The following RHD variants were observed in gnomAD, a reference collection of about 807,000 sequenced individuals.
RHD encodes blood group Rh(D) polypeptide.
In RHD, 16 loss-of-function variants were observed where a neutral mutation model predicts 45.5. The ratio of observed to expected loss-of-function variants is 0.35; its 90% CI spans 0.24 to 0.53. The LOEUF (loss-of-function observed/expected upper bound fraction) is 0.53, where lower values mean the gene tolerates loss of function less well. RHD is among the 20% of genes least tolerant of loss of function. The pLI, the probability that RHD is intolerant of heterozygous loss-of-function variation, is 0.92. For synonymous variants in RHD, 131 were observed against 217.5 expected (o/e 0.60, Z 3.50); for missense variants, 306 against 532.0 (o/e 0.58, Z 4.18).
chr1:25,303,593 A>C lies in RHD; in HGVS notation c.939+134A>C, dbSNP rs1339816401. ...CATTCTCTTATTGGCTTCAACGCCT[A>C]GTGAGGGATCCATCCTGGCTCGGTG... is the stretch of plus-strand genomic sequence containing the variant. On this transcript the variant is annotated intron_variant, in intron 6 of 9. Coordinates refer to ENST00000328664, the MANE Select transcript of RHD (RefSeq NM_016124.6). 3 of 958,838 alleles carry C rather than the reference A, an allele frequency of 3.1e-6. 1 individual carries two copies. Among genetic ancestry groups the C allele is most frequent in the Non-Finnish European group, 4.8e-6 (3 of 623,326 alleles). The allele number at this position is 958,838 out of a possible 1,614,324, so 59.4% of individuals were successfully genotyped here. A position where few individuals can be genotyped will look rare whatever the true frequency, so the allele number is the denominator to read the frequency against.
chr1:25,289,566 A>G (rs941926529), intron 2 of RHD, among the ~76,000 whole-genome samples: 2 of 128,956 alleles, frequency 1.6e-5, no homozygotes, highest in Non-Finnish European at 3.7e-5. Flanking sequence ...ATAATAAATC[A>G]TTATCATCAC....
At chr1:25,312,919 C>CAAAAAAAA (rs1571719513) in intron 7 of RHD, among the ~76,000 whole-genome samples, 1 of 3,618 alleles carries the variant, frequency 2.8e-4, no homozygotes, top group Non-Finnish European at 1.0e-3. Flanking sequence ...AATCCCATCT[C>CAAAAAAAA]TAAAAAAAAA....
intron 5 of RHD, among the ~76,000 whole-genome samples, chr1:25,302,081 G>A (rs145236797): frequency 0.027 from 3,591 of 130,646 alleles, 582 homozygotes; most frequent in African/African-American, 0.087. Context: ...AGAATCAGAA[G>A]TAGAGAAGTA....
chr1:25,297,225 C>G (rs1406976655), intron 3 of RHD, among the ~76,000 whole-genome samples: 1 of 87,526 alleles, frequency 1.1e-5, no homozygotes, highest in Non-Finnish European at 2.8e-5. Flanking sequence ...GTGGGTTTGT[C>G]TGCTGTTCCT....
rs565512603 is a variant in RHD, at chr1:25,309,985, A to T, written c.1073+3256A>T. On this transcript the variant is annotated intron_variant, in intron 7 of 9. Transcript: ENST00000328664. Reference sequence around the variant, plus strand: ...ATTCTGCCACTTATTACTTAAAAAAACCCCAAAAAACCCAACTTATATAGT... The same window carrying T: ...ATTCTGCCACTTATTACTTAAAAAATCCCCAAAAAACCCAACTTATATAGT... 2.3e-5 allele frequency among the ~76,000 whole-genome samples: 3 copies of T among 132,424 alleles called. 1 individual carries two copies. The highest frequency in any genetic ancestry group is 5.4e-5 in the Non-Finnish European group (3 of 55,576). The allele number at this position is 132,424 out of a possible 152,430, so 86.9% of individuals were successfully genotyped here. A position where few individuals can be genotyped will look rare whatever the true frequency, so the allele number is the denominator to read the frequency against.
At position 25,293,488 on chromosome 1, in the gene RHD, C is replaced by T. The variant is rs1165570533; in HGVS notation, c.486+2697C>T. Among the ~76,000 whole-genome samples the T allele has an allele frequency of 3.8e-5, 5 of 130,474 alleles. 1 individual carries two copies. The highest frequency in any genetic ancestry group is 3.8e-4 in the Admixed American group (5 of 13,284). 85.6% of individuals were successfully genotyped at this position (130,474 alleles called of 152,430 possible). A position where few individuals can be genotyped will look rare whatever the true frequency, so the allele number is the denominator to read the frequency against. On this transcript the variant is annotated intron_variant, in intron 3 of 9. Transcript: ENST00000328664. ...TATTTGTGGACAGATTGTTTTAGAA[C>T]AAGTAGAATACATTTGAGAATTAAA...
chr1:25,305,536 A>G (rs1376697347), intron 6 of RHD, among the ~76,000 whole-genome samples: 1 of 129,198 alleles, frequency 7.7e-6, no homozygotes, highest in East Asian at 2.0e-4. Flanking sequence ...AGCTGGGATT[A>G]CAGGTGCCCA....
rs1642597692 is a variant in RHD, at chr1:25,292,503, G to A, written c.486+1712G>A. On this transcript the variant is annotated intron_variant, in intron 3 of 9. Coordinates refer to ENST00000328664, the MANE Select transcript of RHD (RefSeq NM_016124.6). ...ATAGACTGCACGTGGGGTGGGAGAG[G>A]GTCAAGATGACTTCAAGGTTCTCAT... Among the ~76,000 whole-genome samples, 2 of 131,826 alleles carry A rather than the reference G, an allele frequency of 1.5e-5. 1 individual carries two copies. The highest frequency in any genetic ancestry group is 1.5e-4 in the Admixed American group (2 of 13,508). 86.5% of individuals were successfully genotyped at this position (131,826 alleles called of 152,430 possible).
chr1:25,314,204 G>T lies in RHD; in HGVS notation c.1074-2796G>T, dbSNP rs1284513528. Among the ~76,000 whole-genome samples the T allele has an allele frequency of 2.3e-5, 3 of 132,984 alleles. 1 individual carries two copies. The highest frequency in any genetic ancestry group is 3.6e-5 in the Non-Finnish European group (2 of 56,114). The allele number at this position is 132,984 out of a possible 152,430, so 87.2% of individuals were successfully genotyped here. A position where few individuals can be genotyped will look rare whatever the true frequency, so the allele number is the denominator to read the frequency against. On this transcript the variant is annotated intron_variant, in intron 7 of 9. Transcript: ENST00000328664. ...GTTTGCGCCAATCTAATCACCAGTA[G>T]TGTATAGAAGCTCCTTTTACTCCAC... is the stretch of plus-strand genomic sequence containing the variant.
Position 25,284,626 on chromosome 1 carries a change from A to T in RHD, c.202A>T (p.Ser68Cys). The part of the protein sequence containing the change: ...AAIGLGFLTS[S>C]FRRHSWSSVA... ...CATTGGCTTGGGCTTCCTCACCTCGAGTTTCCGGAGACACAGCTGGAGCAG... is the reference window on the plus strand; with the variant it reads ...CATTGGCTTGGGCTTCCTCACCTCGTGTTTCCGGAGACACAGCTGGAGCAG... The change falls in exon 2 of 10, where the codon AGT (serine) becomes TGT (cysteine). Residue 68 changes from serine to cysteine, a missense_variant. Ser to Cys is a moderately radical substitution (Grantham distance 112). Transcript: ENST00000328664. The T allele has an allele frequency of 3.6e-6, 5 of 1,388,848 alleles. 2 individuals are homozygous for T. The highest frequency in any genetic ancestry group is 4.1e-6 in the Non-Finnish European group (4 of 985,524). The allele number at this position is 1,388,848 out of a possible 1,614,324, so 86.0% of individuals were successfully genotyped here.
chr1:25,330,052 G>A lies in RHD; in HGVS notation c.*1128G>A, dbSNP rs1644967375. The A allele has an allele frequency of 7.5e-6, 1 of 132,728 alleles. No individual in the cohort carries two copies. The highest frequency in any genetic ancestry group is 2.3e-4 in the South Asian group (1 of 4,364). The allele number at this position is 132,728 out of a possible 1,614,324, so 8.2% of individuals were successfully genotyped here. On this transcript the variant is annotated 3_prime_UTR_variant, in exon 10 of 10. Transcript: ENST00000328664. The stretch of plus-strand genomic sequence containing the variant: ...ATTCAGGCTTCCATTGAGACCAAGG[G>A]GAGAACCTGGTTGCAGGACAAACAG...
rs1275296979 is a variant in RHD at position 25,308,940 on chromosome 1, A to G, written c.1073+2211A>G. On this transcript the variant is annotated intron_variant, in intron 7 of 9. Coordinates refer to ENST00000328664, the MANE Select transcript of RHD (RefSeq NM_016124.6). ...AATGGGAAAATAAGACCTATGTCAC[A>G]GGGTTGCTGTGCAGATTTAGCAACA... 2.3e-5 allele frequency among the ~76,000 whole-genome samples: 3 copies of G among 131,816 alleles called. 1 individual carries two copies. Among genetic ancestry groups the G allele is most frequent in the Non-Finnish European group, 5.4e-5 (3 of 55,896 alleles). 86.5% of individuals were successfully genotyped at this position (131,816 alleles called of 152,430 possible). A position where few individuals can be genotyped will look rare whatever the true frequency, so the allele number is the denominator to read the frequency against.
At chr1:25,307,598 T>C (rs1643915700) in intron 7 of RHD, 1 of 808,864 alleles carries the variant, frequency 1.2e-6, no homozygotes, top group African/African-American at 1.7e-5. Flanking sequence ...CCTACTGAGG[T>C]ATTCTCAGAC....
chr1:25,288,771 C>T (rs1642254049), intron 2 of RHD, among the ~76,000 whole-genome samples: 3 of 126,592 alleles, frequency 2.4e-5, no homozygotes, highest in African/African-American at 8.2e-5. Context: ...TTAGCACCTC[C>T]TCAGCACAAA....
At chr1:25,297,072 AT>A (rs1181276788) in intron 3 of RHD, among the ~76,000 whole-genome samples, 6 of 128,728 alleles carry the variant, frequency 4.7e-5, no homozygotes, top group Admixed American at 4.6e-4. Context: ...AAAAATATAT[AT>A]TTTTTGTGGT....
rs1366630782 is a variant in RHD at position 25,308,941 on chromosome 1, G to C, written c.1073+2212G>C. On this transcript the variant is annotated intron_variant, in intron 7 of 9. Coordinates refer to ENST00000328664, the MANE Select transcript of RHD (RefSeq NM_016124.6). ...ATGGGAAAATAAGACCTATGTCACA[G>C]GGTTGCTGTGCAGATTTAGCAACAG... 2.3e-5 allele frequency among the ~76,000 whole-genome samples: 3 copies of C among 131,502 alleles called. 1 individual carries two copies. The highest frequency in any genetic ancestry group is 5.4e-5 in the Non-Finnish European group (3 of 55,806). 86.3% of individuals were successfully genotyped at this position (131,502 alleles called of 152,430 possible).
intron 2 of RHD, among the ~76,000 whole-genome samples, chr1:25,286,195 A>T (rs1276438834): frequency 1.5e-5 from 2 of 135,392 alleles, no homozygotes; most frequent in Non-Finnish European, 3.5e-5. Context: ...TTTCTTTTTT[A>T]AAAGGTTTAG....
chr1:25,272,505 AT>A, upstream of RHD: 2 of 1,552,886 alleles, frequency 1.3e-6, no homozygotes, highest in East Asian at 4.5e-5. Context: ...GAGAGGGGTG[AT>A]GCCTGGTGCT....
At chr1:25,274,332 A>G (rs945572922) in intron 1 of RHD, among the ~76,000 whole-genome samples, 5 of 132,370 alleles carry the variant, frequency 3.8e-5, no homozygotes, top group African/African-American at 1.3e-4. Context: ...CTTAACCATT[A>G]TGCATCATGG....
Sources: gnomAD v4.1 joint callset for allele counts (sites outside exome capture counted in the v4.1 genomes callset) on GRCh38, gnomAD v4.1.1 for gene constraint, MANE v1.5 for transcripts, NCBI Gene and HGNC (gene_info 2026-07-23, HGNC 2026-07-21) for gene names.